Variants in TENM3 observed in about 807,000 individuals in gnomAD.
The protein encoded by TENM3 is teneurin-3.
Under a neutral mutation model 255.1 loss-of-function variants are expected in TENM3, and 63 were observed. The observed-to-expected ratio is 0.25, with a 90% CI of 0.20 to 0.30. The LOEUF (loss-of-function observed/expected upper bound fraction) is 0.30. TENM3 is among the 10% of genes least tolerant of loss of function. The probability of loss-of-function intolerance (pLI) is 1.00; values close to 1 mark genes in which losing one functional copy is unlikely to be tolerated. For synonymous variants in TENM3, 1,306 were observed against 1,322.3 expected (o/e 0.99, Z 0.27); for missense variants, 2,929 against 3,461.1 (o/e 0.85, Z 3.86).
At chr4:181,859,584 T>C in the TENM3 span, among the ~76,000 whole-genome samples, 2 of 152,184 alleles carry the variant, frequency 1.3e-5, no homozygotes, top group African/African-American at 4.8e-5. Context: ...TATGTTTTAT[T>C]TGAGAAAGTG....
At chr4:181,530,604 C>A in the TENM3 span, among the ~76,000 whole-genome samples, 1 of 152,182 alleles carries the variant, frequency 6.6e-6, no homozygotes, top group Non-Finnish European at 1.5e-5. Flanking sequence ...TCAAGCAACT[C>A]TTAATGAGTT....
chr4:182,695,220 G>C (rs1253244721), intron 12 of TENM3, among the ~76,000 whole-genome samples: 3 of 152,120 alleles, frequency 2.0e-5, no homozygotes, highest in Non-Finnish European at 4.4e-5. Context: ...GCAACCTTGC[G>C]CCAAACTACC....
the TENM3 span, among the ~76,000 whole-genome samples, chr4:181,504,657 C>T: frequency 6.6e-6 from 1 of 152,154 alleles, no homozygotes; most frequent in East Asian, 1.9e-4. Flanking sequence ...TTCAGGGGCA[C>T]AGGCCAGGAA....
chr4:181,580,847 A>G, the TENM3 span, among the ~76,000 whole-genome samples: 1 of 152,306 alleles, frequency 6.6e-6, no homozygotes, highest in East Asian at 1.9e-4. Flanking sequence ...TGGTGCCTGT[A>G]GGTTCAGAAT....
At chr4:182,398,000 A>G (rs1378980212) in intron 3 of TENM3, among the ~76,000 whole-genome samples, 4 of 152,140 alleles carry the variant, frequency 2.6e-5, no homozygotes, top group African/African-American at 9.7e-5. Context: ...GTTTCGGATA[A>G]GTCTGGCATT....
chr4:182,261,738 G>T lies in TENM3; in HGVS notation c.-76+18262G>T, dbSNP rs145680539. On this transcript the variant is annotated intron_variant, in intron 1 of 27. Transcript: ENST00000511685. The stretch of plus-strand genomic sequence containing the variant: ...CTTTGCTGATGCTCCCGCTTGCCCA[G>T]TCCTAACGCACCAGGATGTTGGCTG... Among the ~76,000 whole-genome samples the T allele has an allele frequency of 4.6e-5, 7 of 152,322 alleles. No individual in the cohort carries two copies. The East Asian group carries it at 1.4e-3, about 29-fold the overall frequency.
chr4:181,964,620 A>G, the TENM3 span, among the ~76,000 whole-genome samples: 4 of 152,030 alleles, frequency 2.6e-5, no homozygotes, highest in South Asian at 8.3e-4. Flanking sequence ...TTCTGATCTC[A>G]AATTGGGAAT....
chr4:182,037,966 G>A, the TENM3 span, among the ~76,000 whole-genome samples: 2 of 152,088 alleles, frequency 1.3e-5, no homozygotes, highest in Non-Finnish European at 2.9e-5. Context: ...CAAGTAGCTG[G>A]GATTACAGGT....
intron 20 of TENM3, among the ~76,000 whole-genome samples, chr4:182,752,568 C>G (rs1180570084): frequency 6.6e-6 from 1 of 152,092 alleles, no homozygotes; most frequent in Non-Finnish European, 1.5e-5. Context: ...TTAAACCAGG[C>G]AGGAATGATT....
chr4:181,775,524 A>C, the TENM3 span, among the ~76,000 whole-genome samples: 1 of 152,128 alleles, frequency 6.6e-6, no homozygotes, highest in Non-Finnish European at 1.5e-5. Flanking sequence ...TAATTGCCTC[A>C]TTTGACTTAG....
the TENM3 span, among the ~76,000 whole-genome samples, chr4:181,602,613 A>C: frequency 0.068 from 10,351 of 152,228 alleles, 411 homozygotes; most frequent in African/African-American, 0.11. Flanking sequence ...CTTGAGAACT[A>C]TTTCACTCAA....
At chr4:181,643,097 G>A in the TENM3 span, among the ~76,000 whole-genome samples, 1 of 152,160 alleles carries the variant, frequency 6.6e-6, no homozygotes, top group Non-Finnish European at 1.5e-5. Context: ...ACTTTGGGCA[G>A]TATGGCCATT....
the TENM3 span, among the ~76,000 whole-genome samples, chr4:182,022,577 T>C: frequency 1.5e-3 from 235 of 152,022 alleles, no homozygotes; most frequent in African/African-American, 5.4e-3. Context: ...TTTACTGTCT[T>C]GGTAAACACC....
the TENM3 span, among the ~76,000 whole-genome samples, chr4:181,448,463 G>C: frequency 6.6e-6 from 1 of 151,966 alleles, no homozygotes; most frequent in Middle Eastern, 3.2e-3. Context: ...GAGCCACCGC[G>C]CCCGGCCGAA....
At chr4:182,249,514 A>G (rs1272567974) in intron 1 of TENM3, among the ~76,000 whole-genome samples, 1 of 152,216 alleles carries the variant, frequency 6.6e-6, no homozygotes, top group Admixed American at 6.5e-5. Context: ...ACAATGGTGG[A>G]CCATGCACTG....
chr4:181,487,246 G>T, the TENM3 span, among the ~76,000 whole-genome samples: 2,516 of 152,230 alleles, frequency 0.017, 74 homozygotes, highest in African/African-American at 0.058. Context: ...TAGATTGGCT[G>T]GTGGTTGGTT....
chr4:182,740,624 G>A (rs556738172), intron 18 of TENM3, among the ~76,000 whole-genome samples: 24 of 152,204 alleles, frequency 1.6e-4, no homozygotes, highest in African/African-American at 4.8e-4. Context: ...AAGAGATTAC[G>A]AATCAATAGG....
chr4:182,104,375 A>G, the TENM3 span, among the ~76,000 whole-genome samples: 1 of 152,108 alleles, frequency 6.6e-6, no homozygotes, highest in East Asian at 1.9e-4. Flanking sequence ...CATATCTTGT[A>G]GGTCACTCCT....
At chr4:182,774,134 C>T (rs1213482950) in intron 23 of TENM3, among the ~76,000 whole-genome samples, 3 of 152,126 alleles carry the variant, frequency 2.0e-5, no homozygotes, top group South Asian at 2.1e-4. Context: ...ATATAGATGC[C>T]ATATCTCCAT....
Sources: allele counts gnomAD v4.1 joint callset (sites outside exome capture counted in the v4.1 genomes callset), GRCh38; gene constraint gnomAD v4.1.1; transcripts MANE v1.5; gene names NCBI Gene and HGNC (gene_info 2026-07-23, HGNC 2026-07-21).